CYP2C8: variants seen among roughly 807,000 people sequenced by gnomAD.
CYP2C8 encodes cytochrome P450 family 2 subfamily C member 8.
A neutral mutation model predicts 41.3 loss-of-function variants in CYP2C8; 51 were observed. The ratio of observed to expected loss-of-function variants is 1.24; its 90% confidence interval spans 0.99 to 1.56. The LOEUF is 1.56. Among genes scored for constraint, CYP2C8 ranks in the 40% most tolerant of loss-of-function variants. The pLI is 0.00. For synonymous variants in CYP2C8, 218 were observed against 205.8 expected (o/e 1.06, Z -0.51); for missense variants, 651 against 579.9 (o/e 1.12, Z -1.26).
At chr10:95,055,612 TA>T (rs1564738280) in intron 5 of CYP2C8, among the ~76,000 whole-genome samples, 1 of 152,168 alleles carries the variant, frequency 6.6e-6, no homozygotes, top group Non-Finnish European at 1.5e-5. Flanking sequence ...ATAAGAGAGA[TA>T]AACTGGGCCT....
At chr10:95,060,628 C>T (rs565936355) in intron 4 of CYP2C8, among the ~76,000 whole-genome samples, 1 of 152,094 alleles carries the variant, frequency 6.6e-6, no homozygotes, top group Non-Finnish European at 1.5e-5. Context: ...AACTGAATAC[C>T]TTTTATTTCT....
At chr10:95,051,203 T>C (rs769470767) in intron 5 of CYP2C8, among the ~76,000 whole-genome samples, 1 of 152,190 alleles carries the variant, frequency 6.6e-6, no homozygotes, top group Non-Finnish European at 1.5e-5. Context: ...GCAATTGGCA[T>C]ACTGAAGAAT....
In CYP2C8 at chr10:95,058,459, T is replaced by G; in HGVS notation, c.695A>C (p.Lys232Thr). Residue 232 changes from lysine (K) to threonine (T), a missense_variant, in exon 5 of 9, where the codon AAA (lysine) becomes ACA (threonine). Coordinates refer to ENST00000371270, the MANE Select transcript of CYP2C8 (RefSeq NM_000770.3). ...TGTAAGAGCAACATTTTTAAGCACT[T>G]TGTTGTGAGTTCCTGGGAAACAATC... Reference protein sequence around the residue: ...LIDCFPGTHNKVLKNVALTRS... With the variant: ...LIDCFPGTHNTVLKNVALTRS... 6.2e-7 allele frequency: 1 copy of G among 1,613,342 alleles called. No individual in the cohort carries two copies. Among genetic ancestry groups the G allele is most frequent in the Non-Finnish European group, 8.5e-7 (1 of 1,179,590 alleles).
intron 5 of CYP2C8, among the ~76,000 whole-genome samples, chr10:95,053,724 A>G (rs2033255852): frequency 6.6e-6 from 1 of 151,746 alleles, no homozygotes; most frequent in African/African-American, 2.4e-5. Context: ...ATGAGAACAC[A>G]TGGACACAGG....
At chr10:95,043,719 CAA>C (rs1178684957) in intron 6 of CYP2C8, among the ~76,000 whole-genome samples, 2 of 152,058 alleles carry the variant, frequency 1.3e-5, no homozygotes, top group East Asian at 3.8e-4. Flanking sequence ...CACACGCCCA[CAA>C]AGTTATATGT....
At chr10:95,044,902 A>G (rs2134412816) in intron 6 of CYP2C8, among the ~76,000 whole-genome samples, 1 of 152,266 alleles carries the variant, frequency 6.6e-6, no homozygotes, top group Non-Finnish European at 1.5e-5. Flanking sequence ...CTCTGCTAAT[A>G]CTTACAACTC....
intron 8 of CYP2C8, among the ~76,000 whole-genome samples, chr10:95,037,711 G>A (rs920502935): frequency 6.6e-6 from 1 of 152,138 alleles, no homozygotes; most frequent in Non-Finnish European, 1.5e-5. Flanking sequence ...GATATTCCAT[G>A]ACTTTTCCTT....
intron 5 of CYP2C8, 94 bp from the exon 6 acceptor site, chr10:95,046,045 C>T (rs1328391185): frequency 2.1e-6 from 3 of 1,424,566 alleles, no homozygotes; most frequent in Non-Finnish European, 2.9e-6. Context: ...TTAAAGTTAG[C>T]CAAAAGAGAT....
At chr10:95,056,905 C>T (rs2033325050) in intron 5 of CYP2C8, among the ~76,000 whole-genome samples, 1 of 152,142 alleles carries the variant, frequency 6.6e-6, no homozygotes, top group African/African-American at 2.4e-5. Context: ...TCAAAGGCAA[C>T]TCAGAGGTAG....
At chr10:95,052,491 A>T (rs920029826) in intron 5 of CYP2C8, among the ~76,000 whole-genome samples, 3 of 92,472 alleles carry the variant, frequency 3.2e-5, no homozygotes, top group Non-Finnish European at 8.9e-5. Context: ...AAGACACATT[A>T]AAAAAAAAAG....
chr10:95,040,507 G>C (rs1362837900), intron 7 of CYP2C8, among the ~76,000 whole-genome samples: 1 of 152,070 alleles, frequency 6.6e-6, no homozygotes, highest in East Asian at 1.9e-4. Flanking sequence ...GTAGTTTATA[G>C]CATAGCAACT....
intron 5 of CYP2C8, among the ~76,000 whole-genome samples, chr10:95,052,748 T>A (rs994210528): frequency 6.6e-6 from 1 of 152,048 alleles, no homozygotes; most frequent in Non-Finnish European, 1.5e-5. Context: ...CAACACCCCT[T>A]CATGGTAAAA....
chr10:95,067,170 A>G lies in CYP2C8; in HGVS notation c.481+38T>C, dbSNP rs758856245. 3.7e-5 allele frequency: 59 copies of G among 1,613,688 alleles called. No individual in the cohort carries two copies. In the South Asian group the frequency reaches 6.4e-4, roughly 17 times the overall value. The stretch of plus-strand genomic sequence containing the variant: ...AAGGACGTCACTAGTGAAGACAGGT[A>G]ACTGTTAAGGTCAATGACGCAGAGT... On this transcript the variant is annotated intron_variant, in intron 3 of 8. Coordinates refer to ENST00000371270, the MANE Select transcript of CYP2C8 (RefSeq NM_000770.3).
intron 7 of CYP2C8, among the ~76,000 whole-genome samples, chr10:95,039,779 T>G (rs1485169194): frequency 6.6e-6 from 1 of 152,180 alleles, no homozygotes; most frequent in East Asian, 1.9e-4. Context: ...GGATACAACC[T>G]TATTATGTGG....
intron 1 of CYP2C8, chr10:95,068,678 A>G: frequency 1.8e-6 from 2 of 1,117,324 alleles, no homozygotes; most frequent in South Asian, 2.6e-5. Context: ...CCACTGTATT[A>G]AATGATTATA....
chr10:95,058,597 A>G, intron 4 of CYP2C8, 86 bp from the exon 5 acceptor site: 6 of 1,223,784 alleles, frequency 4.9e-6, no homozygotes, highest in South Asian at 1.4e-5. Context: ...ATAACTATAA[A>G]TATGAATAAG....
rs1564743746 is a variant in CYP2C8, at chr10:95,069,058, G to GTTT, written c.168+176_168+177insAAA. On this transcript the variant is annotated intron_variant, in intron 1 of 8. Transcript: ENST00000371270. Reference sequence around the variant, plus strand: ...AGCCTGGGCAATAGAGCGAGACTCCGTCTCAAAAAAAAAAAAAATAGGAAG... The same window carrying GTTT: ...AGCCTGGGCAATAGAGCGAGACTCCGTTTTCTCAAAAAAAAAAAAAATAGGAAG... 1.6e-4 allele frequency: 104 copies of GTTT among 662,886 alleles called. No homozygotes were observed. The African/African-American group carries it at 2.3e-3, about 15-fold the overall frequency. 41.1% of individuals were successfully genotyped at this position (662,886 alleles called of 1,614,324 possible).
In CYP2C8 at chr10:95,037,121, G is replaced by T; in HGVS notation, c.*7C>A. 1 of 1,613,528 alleles carries T rather than the reference G, an allele frequency of 6.2e-7. No individual in the cohort carries two copies. Among genetic ancestry groups the T allele is most frequent in the Non-Finnish European group, 8.5e-7 (1 of 1,179,506 alleles). ...AGCAGATCGGCAGCCAGATGGGCTA[G>T]CATTCTTCAGACAGGGATGAAGCAG... On this transcript the variant is annotated 3_prime_UTR_variant, in exon 9 of 9. Coordinates refer to ENST00000371270, the MANE Select transcript of CYP2C8 (RefSeq NM_000770.3).
intron 5 of CYP2C8, among the ~76,000 whole-genome samples, chr10:95,052,084 A>G (rs7095531): frequency 0.69 from 104,331 of 151,884 alleles, 36,555 homozygotes; most frequent in Middle Eastern, 0.84. Flanking sequence ...AAGGAAAAAT[A>G]TGACATGATC....
Sources: allele counts gnomAD v4.1 joint callset (sites outside exome capture counted in the v4.1 genomes callset), GRCh38; gene constraint gnomAD v4.1.1; transcripts MANE v1.5; gene names NCBI Gene and HGNC (gene_info 2026-07-23, HGNC 2026-07-21).